Variants in MFF observed in about 807,000 individuals in gnomAD.
MFF encodes chromosome 2 open reading frame 33.
Under a neutral mutation model 36.9 loss-of-function variants are expected in MFF, and 12 were observed. The ratio of observed to expected loss-of-function variants is 0.33; its 90% CI spans 0.21 to 0.53. MFF has a LOEUF of 0.53. Among genes scored for constraint, MFF ranks in the 20% least tolerant of loss-of-function variants. The pLI is 0.95. For missense variants in MFF, 348 were observed against 366.6 expected, an observed-to-expected ratio of 0.95 and a Z score of 0.42; for synonymous variants, 99 against 126.2, an observed-to-expected ratio of 0.78 and a Z score of 1.44.
chr2:227,342,909 G>C (rs6738078), intron 5 of MFF: 1 of 1,083,522 alleles, frequency 9.2e-7, no homozygotes, highest in Non-Finnish European at 1.4e-6. Flanking sequence ...GGTAATTGAC[G>C]TATGCTATCC....
chr2:227,351,295 T>G (rs2075982966), intron 6 of MFF, among the ~76,000 whole-genome samples: 1 of 152,182 alleles, frequency 6.6e-6, no homozygotes, highest in African/African-American at 2.4e-5. Flanking sequence ...TCTGAATCCC[T>G]TATCATCTAG....
At chr2:227,347,669 TAGGGATATGCCAAGGG>T (rs1436227788) in intron 6 of MFF, among the ~76,000 whole-genome samples, 1 of 152,232 alleles carries the variant, frequency 6.6e-6, no homozygotes, top group Non-Finnish European at 1.5e-5. Context: ...TGATTCCACT[TAGGGATATGCCAAGGG>T]GCCCCGTCCC....
intron 5 of MFF, chr2:227,342,822 A>G (rs1397711872): frequency 1.2e-6 from 2 of 1,612,284 alleles, no homozygotes; most frequent in Middle Eastern, 1.6e-4. Flanking sequence ...GAGTACACGT[A>G]AGATTTTATC....
intron 6 of MFF, among the ~76,000 whole-genome samples, chr2:227,349,558 G>A (rs2075885275): frequency 6.6e-6 from 1 of 152,056 alleles, no homozygotes; most frequent in Non-Finnish European, 1.5e-5. Flanking sequence ...TTACCTTGGA[G>A]CTTGGAGGGT....
chr2:227,325,933 T>C (rs750476601), intron 1 of MFF, among the ~76,000 whole-genome samples: 3 of 151,996 alleles, frequency 2.0e-5, no homozygotes, highest in Non-Finnish European at 2.9e-5. Flanking sequence ...GAAGCCCAGG[T>C]TGTGGCATCG....
At chr2:227,356,225 C>CACAG (rs1198182717) in intron 8 of MFF, among the ~76,000 whole-genome samples, 27 of 152,320 alleles carry the variant, frequency 1.8e-4, no homozygotes, top group African/African-American at 6.5e-4. Context: ...TCGAGTATCA[C>CACAG]ACAGACATAC....
intron 8 of MFF, among the ~76,000 whole-genome samples, chr2:227,356,124 C>T (rs1018521202): frequency 6.6e-6 from 1 of 152,162 alleles, no homozygotes; most frequent in African/African-American, 2.4e-5. Context: ...TGCACAGCAT[C>T]CCTGCATACG....
chr2:227,341,657 C>T (rs901047502), intron 5 of MFF, among the ~76,000 whole-genome samples: 2 of 152,000 alleles, frequency 1.3e-5, no homozygotes, highest in East Asian at 1.9e-4. Context: ...ATTACACAAA[C>T]GGTAAAGAGG....
chr2:227,328,295 C>CAAAAAAA (rs869086091), intron 1 of MFF, among the ~76,000 whole-genome samples: 3 of 72,642 alleles, frequency 4.1e-5, no homozygotes, highest in East Asian at 3.7e-4. Context: ...GCCCGGGTGA[C>CAAAAAAA]AAAAAAAAAA....
At chr2:227,351,061 T>G (rs1037382327) in intron 6 of MFF, among the ~76,000 whole-genome samples, 1 of 152,220 alleles carries the variant, frequency 6.6e-6, no homozygotes, top group African/African-American at 2.4e-5. Flanking sequence ...ACATACTGTG[T>G]GCATTTTAAA....
chr2:227,340,104 G>A (rs2075303874), intron 4 of MFF, among the ~76,000 whole-genome samples, 188 bp from the exon 5 acceptor site: 1 of 152,110 alleles, frequency 6.6e-6, no homozygotes, highest in South Asian at 2.1e-4. Context: ...GTGTGTGTGT[G>A]TGTGTCTTGT....
intron 6 of MFF, among the ~76,000 whole-genome samples, chr2:227,350,110 A>C (rs1173824059): frequency 1.3e-5 from 2 of 152,100 alleles, no homozygotes; most frequent in Non-Finnish European, 1.5e-5. Flanking sequence ...TCTAAACCAA[A>C]CTCAACGTGA....
chr2:227,332,744 GTTA>G (rs2074694450), intron 4 of MFF, among the ~76,000 whole-genome samples, 156 bp downstream of exon 4: 1 of 152,188 alleles, frequency 6.6e-6, no homozygotes, highest in Admixed American at 6.5e-5. Context: ...TGCCAAATAA[GTTA>G]TTATGCTATT....
intron 8 of MFF, 31 bp downstream of exon 8, chr2:227,355,792 T>C (rs1193814677): frequency 1.5e-6 from 2 of 1,291,626 alleles, no homozygotes; most frequent in South Asian, 2.4e-5. Flanking sequence ...GATATATTTC[T>C]CAGTTATATT....
intron 2 of MFF, chr2:227,329,589 TTC>T: frequency 1.9e-6 from 1 of 518,058 alleles, no homozygotes; most frequent in Non-Finnish European, 3.4e-6. Context: ...CTGATTTTTA[TTC>T]TTTCTTTTTT....
At chr2:227,352,124 C>T in intron 6 of MFF, 1 of 167,672 alleles carries the variant, frequency 6.0e-6, no homozygotes, top group Non-Finnish European at 1.3e-5. Context: ...GTGCAGCTAA[C>T]CAGGTCCTGA....
At chr2:227,356,944 A>G in intron 8 of MFF, 42 bp from the exon 9 acceptor site, 4 of 1,477,206 alleles carry the variant, frequency 2.7e-6, no homozygotes, top group South Asian at 1.2e-5. Context: ...TATTCATTAA[A>G]GCCTCTATAT....
At position 227,357,794 on chromosome 2, in the gene MFF, G is replaced by A. The variant is rs1355325096; in HGVS notation, c.*677G>A. On this transcript the variant is annotated 3_prime_UTR_variant, in exon 9 of 9. Coordinates refer to ENST00000304593, the MANE Select transcript of MFF (RefSeq NM_001277062.2). ...ACAATTTAAAAAACGACAGAATAAG[G>A]TACAAATGTAGTGTATTTAATAAAC... The A allele has an allele frequency of 6.6e-6, 1 of 152,156 alleles. No individual in the cohort carries two copies. The highest frequency in any genetic ancestry group is 2.4e-5 in the African/African-American group (1 of 41,426). 9.4% of individuals were successfully genotyped at this position (152,156 alleles called of 1,614,324 possible).
At position 227,342,832 on chromosome 2, in the gene MFF, C is replaced by T. The variant is rs779734462; in HGVS notation, c.440+2452C>T. The T allele has an allele frequency of 7.5e-6, 12 of 1,608,726 alleles. 1 individual carries two copies. Among genetic ancestry groups the T allele is most frequent in the South Asian group, 6.6e-5 (6 of 90,826 alleles). ...CACCGGAGTACACGTAAGATTTTAT[C>T]TGCTCTGCTTTTGACAAGTAGTTGT... On this transcript the variant is annotated intron_variant, in intron 5 of 8. Transcript: ENST00000304593.
Sources: gnomAD v4.1 joint callset for allele counts (sites outside exome capture counted in the v4.1 genomes callset) on GRCh38, gnomAD v4.1.1 for gene constraint, MANE v1.5 for transcripts, NCBI Gene and HGNC (gene_info 2026-07-23, HGNC 2026-07-21) for gene names.